The following RET variants were observed in gnomAD, a reference collection of about 807,000 sequenced individuals.
The protein encoded by RET is ret proto-oncogene, also known as proto-oncogene tyrosine-protein kinase receptor Ret.
Under a neutral mutation model 118.3 loss-of-function variants are expected in RET, and 19 were observed. That is an observed-to-expected ratio of 0.16 (90% CI 0.11 to 0.24). The LOEUF (loss-of-function observed/expected upper bound fraction) is 0.24. Ranked by LOEUF, RET falls within the 10% of genes least tolerant of loss-of-function variation. The pLI, the probability that RET is intolerant of heterozygous loss-of-function variation, is 1.00. For synonymous variants in RET, 597 were observed against 644.1 expected, an observed-to-expected ratio of 0.93 and a Z score of 1.11; for missense variants, 1,219 against 1,502.1, an observed-to-expected ratio of 0.81 and a Z score of 3.12.
rs1465353841 is a variant in RET at position 43,100,593 on chromosome 10, C to A, written c.208C>A (p.Gln70Lys). Residue 70 changes from glutamine (Q) to lysine (K), a missense_variant, in exon 2 of 20, where the codon CAG becomes AAG. Physicochemically the swap from Gln to Lys is moderately conservative, Grantham distance 53. Transcript: ENST00000355710. ...PEEVPSFRLG[Q>K]HLYGTYRTRL... ...GGAGGTGCCCAGCTTCCGCCTGGGC[C>A]AGCATCTCTACGGCACGTACCGCAC... The A allele has an allele frequency of 6.2e-7, 1 of 1,613,938 alleles. No individual in the cohort carries two copies. Among genetic ancestry groups the A allele is most frequent in the Non-Finnish European group, 8.5e-7 (1 of 1,180,020 alleles).
At chr10:43,081,182 G>GCC (rs397732499) in intron 1 of RET, among the ~76,000 whole-genome samples, 6 of 150,708 alleles carry the variant, frequency 4.0e-5, no homozygotes, top group Non-Finnish European at 8.9e-5. Flanking sequence ...CCAGAAGTGG[G>GCC]CCCCCCCCAT....
intron 2 of RET, 179 bp from the exon 3 acceptor site, chr10:43,102,163 A>C: frequency 1.5e-6 from 1 of 674,746 alleles, no homozygotes. Flanking sequence ...GGTGCTGGGC[A>C]GCAGGGCTGT....
chr10:43,085,856 G>A (rs763199276), intron 1 of RET, among the ~76,000 whole-genome samples: 6 of 152,128 alleles, frequency 3.9e-5, no homozygotes, highest in South Asian at 2.1e-4. Flanking sequence ...TGGTGCCCCC[G>A]CATCGGGCTG....
At chr10:43,085,880 T>C (rs1206055211) in intron 1 of RET, among the ~76,000 whole-genome samples, 1 of 152,220 alleles carries the variant, frequency 6.6e-6, no homozygotes, top group African/African-American at 2.4e-5. Context: ...GGCTGTGACC[T>C]GGGGCATCAG....
intron 1 of RET, among the ~76,000 whole-genome samples, chr10:43,082,056 T>C (rs1271315557): frequency 6.6e-6 from 1 of 152,114 alleles, no homozygotes; most frequent in East Asian, 1.9e-4. Flanking sequence ...GTCCCGCAGC[T>C]GTGTGATCAT....
rs1014902926 is a variant in RET at position 43,111,998 on chromosome 10, TC to T, written c.1523-99del. The T allele has an allele frequency of 1.3e-5, 20 of 1,505,190 alleles. No homozygotes were observed. The African/African-American group carries it at 2.3e-4, about 18-fold the overall frequency. The allele number at this position is 1,505,190 out of a possible 1,614,324, so 93.2% of individuals were successfully genotyped here. A position where few individuals can be genotyped will look rare whatever the true frequency, so the allele number is the denominator to read the frequency against. ...GTCACTCCGGTCCCCTTGGGCTCCA[TC>T]CGTGGGCAGCTCAGCTGGTGCTGTT... On this transcript the variant is annotated intron_variant, in intron 7 of 19. Coordinates refer to ENST00000355710, the MANE Select transcript of RET (RefSeq NM_020975.6).
intron 1 of RET, among the ~76,000 whole-genome samples, chr10:43,079,021 T>C (rs1837117764): frequency 6.6e-6 from 1 of 152,202 alleles, no homozygotes; most frequent in Non-Finnish European, 1.5e-5. Flanking sequence ...CTCTTGGAGC[T>C]GCCAAGGACC....
chr10:43,124,774 G>C (rs1398697048), intron 17 of RET, 109 bp from the exon 18 acceptor site: 3 of 1,057,810 alleles, frequency 2.8e-6, no homozygotes. Flanking sequence ...GTTGGAGACA[G>C]AGCACACTGG....
In RET at chr10:43,116,572, T is replaced by C. The variant is rs2132901855; in HGVS notation, c.2137-12T>C. On this transcript the variant is annotated splice_polypyrimidine_tract_variant and intron_variant, in intron 11 of 19. Transcript: ENST00000355710. ...CCCCCCTCTTCTCCCCCTTCCCTCA[T>C]TTCCAACATAGGAGGATCCAAAGTG... is the stretch of plus-strand genomic sequence containing the variant. 2.5e-6 allele frequency: 4 copies of C among 1,609,218 alleles called. No homozygotes were observed. The highest frequency in any genetic ancestry group is 3.4e-6 in the Non-Finnish European group (4 of 1,177,038).
In RET at chr10:43,111,283, C is replaced by T. The variant is rs1588871155; in HGVS notation, c.1340C>T (p.Ala447Val). ...CAGTACAAGCTGCATTCCTCTGGTG[C>T]CAACTGCAGCACGCTAGGGGTGGTC... Reference protein sequence around the residue: ...NVQYKLHSSGANCSTLGVVTS... With the variant: ...NVQYKLHSSGVNCSTLGVVTS... Residue 447 changes from alanine (A) to valine (V), a missense_variant, in exon 7 of 20, where the codon GCC becomes GTC. Around this residue, in one of 5 missense-constraint regions of RET, gnomAD observed 850 missense variants for 969.6 expected, o/e 0.88. Coordinates refer to ENST00000355710, the MANE Select transcript of RET (RefSeq NM_020975.6). 6.2e-7 allele frequency: 1 copy of T among 1,614,168 alleles called. No individual in the cohort carries two copies. Among genetic ancestry groups the T allele is most frequent in the Non-Finnish European group, 8.5e-7 (1 of 1,180,038 alleles).
At chr10:43,112,716 C>T (rs2132810713) in intron 8 of RET, 137 bp from the exon 9 acceptor site, 1 of 728,472 alleles carries the variant, frequency 1.4e-6, no homozygotes, top group East Asian at 2.7e-5. Flanking sequence ...CTTCCGCTGG[C>T]AAGGCTCTGT....
Position 43,111,209 on chromosome 10 carries a change from C to T in RET, c.1266C>T (p.Ile422=), listed in dbSNP as rs759582152. ...VSRRARRFAQ[I]GKVCVENCQA... ...GGTGTTCCCCTGTGCCCCCCTAGAT[C>T]GGGAAAGTCTGTGTGGAAAACTGCC... Residue 422 remains isoleucine (I), a splice_region_variant and synonymous_variant, in exon 7 of 20, where the codon ATC becomes ATT. Coordinates refer to ENST00000355710, the MANE Select transcript of RET (RefSeq NM_020975.6). 27 of 1,613,662 alleles carry T rather than the reference C, an allele frequency of 1.7e-5. No individual in the cohort carries two copies. The Admixed American group carries it at 2.2e-4, about 13-fold the overall frequency.
Position 43,105,210 on chromosome 10 carries a change from G to A in RET, c.867+17G>A. 6.2e-7 allele frequency: 1 copy of A among 1,612,490 alleles called. No homozygotes were observed. The highest frequency in any genetic ancestry group is 8.5e-7 in the Non-Finnish European group (1 of 1,179,900). ...CGGAAGGAGGTGCTTGTCCGCGCGT[G>A]CTGTGGTCTACCCAGTGTCTGTCTC... On this transcript the variant is annotated intron_variant, in intron 4 of 19. Transcript: ENST00000355710.
In RET at chr10:43,080,414, A is replaced by C. The variant is rs564316745; in HGVS notation, c.73+3083A>C. The stretch of plus-strand genomic sequence containing the variant: ...GTGCCTACTCACTTCATCTTTTCCA[A>C]CAAGTCTGCAAGGGTCATGGTCTTG... On this transcript the variant is annotated intron_variant, in intron 1 of 19. Transcript: ENST00000355710. Among the ~76,000 whole-genome samples the C allele has an allele frequency of 7.2e-4, 110 of 152,340 alleles. 1 individual carries two copies. Among genetic ancestry groups the C allele is most frequent in the Non-Finnish European group, 1.2e-3 (83 of 68,034 alleles).
At chr10:43,123,835 C>T (rs745704125) in intron 17 of RET, 27 bp downstream of exon 17, 4 of 1,613,744 alleles carry the variant, frequency 2.5e-6, no homozygotes, top group South Asian at 2.2e-5. Flanking sequence ...TTTGGCCCAG[C>T]CTCACTTGGG....
At chr10:43,098,666 C>A (rs1484885566) in intron 1 of RET, among the ~76,000 whole-genome samples, 1 of 152,204 alleles carries the variant, frequency 6.6e-6, no homozygotes, top group African/African-American at 2.4e-5. Flanking sequence ...AAGTGATCTG[C>A]CCACCTAGGC....
intron 4 of RET, among the ~76,000 whole-genome samples, chr10:43,105,967 G>T (rs35800403): frequency 6.6e-6 from 1 of 151,990 alleles, no homozygotes; most frequent in Non-Finnish European, 1.5e-5. Flanking sequence ...ACCTGGCCTC[G>T]GAGCTCGGCT....
At chr10:43,101,808 C>A (rs1365402858) in intron 2 of RET, among the ~76,000 whole-genome samples, 1 of 152,300 alleles carries the variant, frequency 6.6e-6, no homozygotes, top group Admixed American at 6.5e-5. Context: ...TAGCAAAAAG[C>A]AAAGAGAATG....
In RET at chr10:43,113,403, C is replaced by T. The variant is rs192455270; in HGVS notation, c.1760-153C>T. Reference sequence around the variant, plus strand: ...AAAGGCACTGTGACCAAGCCCTGCCCGGCTAAGCCAAGCTGCTGGGCCCCT... The same window carrying T: ...AAAGGCACTGTGACCAAGCCCTGCCTGGCTAAGCCAAGCTGCTGGGCCCCT... On this transcript the variant is annotated intron_variant, in intron 9 of 19. Coordinates refer to ENST00000355710, the MANE Select transcript of RET (RefSeq NM_020975.6). 8.1e-3 allele frequency among the ~76,000 whole-genome samples: 1,229 copies of T among 152,270 alleles called. 19 individuals are homozygous for T. Among genetic ancestry groups the T allele is most frequent in the African/African-American group, 0.028 (1,180 of 41,538 alleles).
Sources: gnomAD v4.1 joint callset for allele counts (sites outside exome capture counted in the v4.1 genomes callset) on GRCh38, gnomAD v4.1.1 for gene constraint, gnomAD v4.1.1 regional missense constraint, MANE v1.5 for transcripts, NCBI Gene and HGNC (gene_info 2026-07-23, HGNC 2026-07-21) for gene names.